Variants in NUP210L observed in about 807,000 individuals in gnomAD.
The protein encoded by NUP210L is nuclear pore membrane glycoprotein 210-like.
A neutral mutation model predicts 208.5 loss-of-function variants in NUP210L; 74 were observed. That is an observed-to-expected ratio of 0.35 (90% CI 0.29 to 0.43). The LOEUF is 0.43. Among genes scored for constraint, NUP210L ranks in the 20% least tolerant of loss-of-function variants. NUP210L has a pLI of 1.00. For synonymous variants in NUP210L, 780 were observed against 816.9 expected (o/e 0.95, Z 0.77); for missense variants, 1,843 against 2,289.4 (o/e 0.81, Z 3.98).
At chr1:154,102,334 A>C (rs1656513115) in intron 13 of NUP210L, among the ~76,000 whole-genome samples, 2 of 152,198 alleles carry the variant, frequency 1.3e-5, no homozygotes, top group African/African-American at 2.4e-5. Context: ...GAAGTCTCAA[A>C]ATTTTTGAGC....
At chr1:154,046,395 T>C in intron 25 of NUP210L, 26 bp from the exon 26 acceptor site, 2 of 1,598,690 alleles carry the variant, frequency 1.3e-6, no homozygotes, top group Non-Finnish European at 1.7e-6. Context: ...GAGAGCAAGC[T>C]TAGGCTAAGA....
At chr1:153,998,064 A>G (rs1373495773) in intron 37 of NUP210L, among the ~76,000 whole-genome samples, 1 of 152,036 alleles carries the variant, frequency 6.6e-6, no homozygotes, top group Non-Finnish European at 1.5e-5. Context: ...GAACATGAAT[A>G]TATCTGTGGA....
At position 154,141,404 on chromosome 1, in the gene NUP210L, A is replaced by G. The variant is rs753429186; in HGVS notation, c.566+27T>C. 5.8e-6 allele frequency: 8 copies of G among 1,379,578 alleles called. No individual in the cohort carries two copies. The East Asian group carries it at 1.8e-4, about 31-fold the overall frequency. The allele number at this position is 1,379,578 out of a possible 1,614,324, so 85.5% of individuals were successfully genotyped here. A position where few individuals can be genotyped will look rare whatever the true frequency, so the allele number is the denominator to read the frequency against. Reference sequence around the variant, plus strand: ...TGGCAGATGTCTTCTTCATAGTCAGATGATTTATGTTTGGTTTCAAGTTTA... The same window carrying G: ...TGGCAGATGTCTTCTTCATAGTCAGGTGATTTATGTTTGGTTTCAAGTTTA... On this transcript the variant is annotated intron_variant, in intron 4 of 39. Coordinates refer to ENST00000368559, the Ensembl canonical transcript of NUP210L.
At chr1:154,049,751 TCTC>T (rs1173965287) in intron 25 of NUP210L, among the ~76,000 whole-genome samples, 3 of 152,188 alleles carry the variant, frequency 2.0e-5, no homozygotes, top group African/African-American at 7.2e-5. Context: ...AGGACTGCCT[TCTC>T]CTGCTATGAT....
At chr1:154,006,966 A>ATATATATATATTTTT (rs1211789619) in intron 35 of NUP210L, among the ~76,000 whole-genome samples, 6 of 115,808 alleles carry the variant, frequency 5.2e-5, no homozygotes, top group African/African-American at 1.6e-4. Flanking sequence ...ATATATATAT[A>ATATATATATATTTTT]TTTTTTTTTT....
In NUP210L at chr1:154,077,378, AAAAATAAAAT is replaced by A. The variant is rs368774313; in HGVS notation, c.2362-6923_2362-6914del. Reference sequence around the variant, plus strand: ...GATACTCTGTCTCAAAAAAATAAATAAAAATAAAATAAAATAAAATAAAATAAAAAGACTG... The same window carrying A: ...GATACTCTGTCTCAAAAAAATAAATAAAAATAAAATAAAATAAAAAGACTG... On this transcript the variant is annotated intron_variant, in intron 16 of 39. Coordinates refer to ENST00000368559, the Ensembl canonical transcript of NUP210L. 9.2e-5 allele frequency among the ~76,000 whole-genome samples: 14 copies of A among 152,032 alleles called. 1 individual carries two copies. The highest frequency in any genetic ancestry group is 6.2e-4 in the South Asian group (3 of 4,824).
intron 12 of NUP210L, among the ~76,000 whole-genome samples, chr1:154,105,311 G>A (rs539405694): frequency 4.1e-4 from 62 of 152,198 alleles, no homozygotes; most frequent in Middle Eastern, 3.4e-3. Context: ...CCAACATGGC[G>A]AAACCCTGTC....
In NUP210L at chr1:154,012,438, C is replaced by T. The variant is rs1033592725; in HGVS notation, c.4654-68G>A. 2.7e-6 allele frequency: 4 copies of T among 1,478,544 alleles called. No individual in the cohort carries two copies. The South Asian group carries it at 5.1e-5, about 19-fold the overall frequency. The allele number at this position is 1,478,544 out of a possible 1,614,324, so 91.6% of individuals were successfully genotyped here. A position where few individuals can be genotyped will look rare whatever the true frequency, so the allele number is the denominator to read the frequency against. On this transcript the variant is annotated intron_variant, in intron 33 of 39. Coordinates refer to ENST00000368559, the Ensembl canonical transcript of NUP210L. ...GAATCTGACTCCTTCCAGATCCACC[C>T]CTCATAACTTATTTAACCAAAAGTA...
intron 3 of NUP210L, among the ~76,000 whole-genome samples, chr1:154,142,372 C>A (rs753437731): frequency 2.0e-5 from 3 of 151,842 alleles, no homozygotes; most frequent in Middle Eastern, 6.8e-3. Flanking sequence ...TTTTTTACTA[C>A]CTAAGTGTTT....
intron 25 of NUP210L, among the ~76,000 whole-genome samples, chr1:154,050,634 G>C (rs1003477178): frequency 6.6e-6 from 1 of 152,098 alleles, no homozygotes; most frequent in Non-Finnish European, 1.5e-5. Flanking sequence ...AAAAATTATT[G>C]TCCCTCTCAC....
chr1:154,051,534 C>G (rs537415487), intron 25 of NUP210L, among the ~76,000 whole-genome samples: 137 of 152,252 alleles, frequency 9.0e-4, no homozygotes, highest in African/African-American at 3.2e-3. Context: ...CAATTTAACC[C>G]ATGTTAATGT....
chr1:154,009,101 G>A (rs1650745833), intron 35 of NUP210L, among the ~76,000 whole-genome samples: 1 of 151,770 alleles, frequency 6.6e-6, no homozygotes, highest in African/African-American at 2.4e-5. Context: ...GTAGAGATGG[G>A]GTTTCATCAT....
chr1:154,143,201 CAA>C (rs34172314), intron 3 of NUP210L, among the ~76,000 whole-genome samples: 11 of 123,448 alleles, frequency 8.9e-5, no homozygotes, highest in Admixed American at 1.7e-4. Context: ...TCCCCCTGCC[CAA>C]AAAAAAAAAA....
intron 25 of NUP210L, among the ~76,000 whole-genome samples, chr1:154,053,281 C>T (rs770344580): frequency 5.9e-5 from 9 of 152,188 alleles, no homozygotes; most frequent in Admixed American, 2.0e-4. Flanking sequence ...TCTGTGATTT[C>T]GATGATGATT....
chr1:154,150,074 C>G (rs1659307468), intron 2 of NUP210L, among the ~76,000 whole-genome samples: 1 of 152,102 alleles, frequency 6.6e-6, no homozygotes, highest in Non-Finnish European at 1.5e-5. Context: ...ATAAAAATTA[C>G]AAAAATTTAG....
chr1:154,056,811 T>C lies in NUP210L; in HGVS notation c.3240+4A>G. ...ACAAATTTTGGATGAGATAATTTCC[T>C]TACTTCAATGTGCCGAGGAGTTGAT... On this transcript the variant is annotated splice_donor_region_variant and intron_variant, in intron 23 of 39. Coordinates refer to ENST00000368559, the Ensembl canonical transcript of NUP210L. The C allele has an allele frequency of 1.3e-6, 2 of 1,558,496 alleles. No individual in the cohort carries two copies. Among genetic ancestry groups the C allele is most frequent in the Non-Finnish European group, 8.6e-7 (1 of 1,159,886 alleles).
At chr1:154,149,041 C>T (rs1308967485) in intron 2 of NUP210L, among the ~76,000 whole-genome samples, 1 of 151,364 alleles carries the variant, frequency 6.6e-6, no homozygotes, top group East Asian at 1.9e-4. Context: ...AAGTCTTGTG[C>T]ACACAATGCT....
chr1:154,010,175 A>G (rs1650824470), intron 34 of NUP210L, 54 bp from the exon 35 acceptor site: 1 of 1,563,462 alleles, frequency 6.4e-7, no homozygotes, highest in South Asian at 1.2e-5. Flanking sequence ...ATTTGTAAAA[A>G]GAGAGACCAT....
intron 35 of NUP210L, among the ~76,000 whole-genome samples, chr1:154,006,709 G>T (rs570184355): frequency 8.7e-5 from 13 of 150,176 alleles, no homozygotes; most frequent in African/African-American, 2.9e-4. Flanking sequence ...TGGCCAGGCT[G>T]GTCTCGAACT....
Sources: gnomAD v4.1 joint callset for allele counts (sites outside exome capture counted in the v4.1 genomes callset) on GRCh38, gnomAD v4.1.1 for gene constraint, MANE v1.5 for transcripts, NCBI Gene and HGNC (gene_info 2026-07-23, HGNC 2026-07-21) for gene names.